The following ACTL8 variants were observed in gnomAD, a reference collection of about 807,000 sequenced individuals.
ACTL8 encodes actin like 8, also known as actin-like protein 8.
Under a neutral mutation model 9.3 loss-of-function variants are expected in ACTL8, and 3 were observed. The observed-to-expected ratio is 0.32, with a 90% CI of 0.15 to 0.83. The LOEUF (loss-of-function observed/expected upper bound fraction) is 0.83. ACTL8 is among the 40% of genes least tolerant of loss of function. ACTL8 has a pLI of 0.57. For missense variants in ACTL8, 381 were observed against 492.2 expected (o/e 0.77, Z 2.14); for synonymous variants, 224 against 205.9 (o/e 1.09, Z -0.75).
At chr1:17,781,009 A>G (rs1427827038) in intron 1 of ACTL8, among the ~76,000 whole-genome samples, 5 of 152,172 alleles carry the variant, frequency 3.3e-5, no homozygotes, top group Admixed American at 3.3e-4. Context: ...TCTGGAGGTC[A>G]GAAGTCTGAG....
chr1:17,810,292 G>A (rs1296462155), intron 1 of ACTL8, among the ~76,000 whole-genome samples: 1 of 152,068 alleles, frequency 6.6e-6, no homozygotes, highest in Non-Finnish European at 1.5e-5. Flanking sequence ...ACTATCTTTT[G>A]ACCCCATTTG....
At chr1:17,818,521 C>T (rs1011739905) in intron 1 of ACTL8, among the ~76,000 whole-genome samples, 1 of 152,262 alleles carries the variant, frequency 6.6e-6, no homozygotes. Flanking sequence ...CCTCCCTCCA[C>T]TCACCGTGTC....
At chr1:17,822,197 G>A (rs560007278) in intron 1 of ACTL8, among the ~76,000 whole-genome samples, 1 of 152,186 alleles carries the variant, frequency 6.6e-6, no homozygotes, top group Non-Finnish European at 1.5e-5. Context: ...GTCTGGGTTG[G>A]GTTTGACTCT....
intron 1 of ACTL8, among the ~76,000 whole-genome samples, chr1:17,761,814 G>A (rs746470077): frequency 2.6e-5 from 4 of 152,028 alleles, no homozygotes; most frequent in African/African-American, 9.7e-5. Context: ...CAGGTGGTCC[G>A]CCCTCCTCGG....
At chr1:17,807,133 G>A (rs768341697) in intron 1 of ACTL8, among the ~76,000 whole-genome samples, 1 of 152,214 alleles carries the variant, frequency 6.6e-6, no homozygotes, top group Non-Finnish European at 1.5e-5. Context: ...TGTGATTACT[G>A]TGGGCTCACA....
At chr1:17,758,780 G>A (rs1219301092) in intron 1 of ACTL8, among the ~76,000 whole-genome samples, 1 of 152,114 alleles carries the variant, frequency 6.6e-6, no homozygotes, top group Non-Finnish European at 1.5e-5. Context: ...GATTTGCTTG[G>A]TCCATGCCCA....
intron 1 of ACTL8, among the ~76,000 whole-genome samples, chr1:17,816,536 T>C (rs755526988): frequency 9.9e-5 from 15 of 152,208 alleles, no homozygotes; most frequent in Non-Finnish European, 1.9e-4. Flanking sequence ...GCTAAAAATA[T>C]TTGAGCATTA....
At chr1:17,786,734 C>G (rs1392334414) in intron 1 of ACTL8, among the ~76,000 whole-genome samples, 1 of 152,204 alleles carries the variant, frequency 6.6e-6, no homozygotes, top group East Asian at 1.9e-4. Flanking sequence ...CGGTCTCACT[C>G]TGTTGCCCAG....
At chr1:17,821,327 A>G (rs912700268) in intron 1 of ACTL8, among the ~76,000 whole-genome samples, 13 of 152,142 alleles carry the variant, frequency 8.5e-5, no homozygotes, top group African/African-American at 3.1e-4. Context: ...TCAGACTTCT[A>G]ATGTTCTAAG....
rs1401420831 is a variant in ACTL8, at chr1:17,758,676, T to C, written c.-25+3172T>C. 2.6e-5 allele frequency among the ~76,000 whole-genome samples: 4 copies of C among 152,162 alleles called. No individual in the cohort carries two copies. The East Asian group carries it at 5.8e-4, about 22-fold the overall frequency. ...GCACTAACTCTGAACTGATGCTGTTTCCTGGGGATCTAAAATGCCACTCTG... is the reference window on the plus strand; with the variant it reads ...GCACTAACTCTGAACTGATGCTGTTCCCTGGGGATCTAAAATGCCACTCTG... On this transcript the variant is annotated intron_variant, in intron 1 of 2. Transcript: ENST00000375406.
At chr1:17,817,442 A>G (rs2066433833) in intron 1 of ACTL8, among the ~76,000 whole-genome samples, 1 of 152,090 alleles carries the variant, frequency 6.6e-6, no homozygotes, top group African/African-American at 2.4e-5. Flanking sequence ...GCTAAATCCA[A>G]TGGATAGTCC....
intron 1 of ACTL8, among the ~76,000 whole-genome samples, chr1:17,770,726 G>A (rs980626490): frequency 5.3e-5 from 8 of 152,174 alleles, no homozygotes; most frequent in Non-Finnish European, 1.2e-4. Context: ...GGATCTAGAG[G>A]TCATAGTGGC....
chr1:17,756,989 G>C (rs2065972346), intron 1 of ACTL8, among the ~76,000 whole-genome samples: 1 of 152,164 alleles, frequency 6.6e-6, no homozygotes. Context: ...CCGGGCACAG[G>C]CATGGTGGCT....
chr1:17,777,547 G>C (rs2066126511), intron 1 of ACTL8, among the ~76,000 whole-genome samples: 1 of 152,180 alleles, frequency 6.6e-6, no homozygotes, highest in African/African-American at 2.4e-5. Flanking sequence ...AACTCTGATA[G>C]ATTGGCCGTT....
intron 1 of ACTL8, among the ~76,000 whole-genome samples, chr1:17,787,561 G>A (rs555185428): frequency 6.6e-6 from 1 of 152,160 alleles, no homozygotes; most frequent in African/African-American, 2.4e-5. Context: ...GAGCCACACC[G>A]CGCCAGGCCT....
At chr1:17,796,016 C>A (rs2066274317) in intron 1 of ACTL8, among the ~76,000 whole-genome samples, 1 of 152,152 alleles carries the variant, frequency 6.6e-6, no homozygotes, top group Non-Finnish European at 1.5e-5. Context: ...AAAAGCTGAG[C>A]TAGGGAGGGA....
chr1:17,759,977 G>A (rs2065990560), intron 1 of ACTL8, among the ~76,000 whole-genome samples: 3 of 152,156 alleles, frequency 2.0e-5, no homozygotes, highest in African/African-American at 4.8e-5. Flanking sequence ...TCAAATGACT[G>A]CGCAGCTTCC....
intron 1 of ACTL8, among the ~76,000 whole-genome samples, chr1:17,792,127 A>G (rs2066244350): frequency 6.6e-6 from 1 of 152,198 alleles, no homozygotes; most frequent in Non-Finnish European, 1.5e-5. Flanking sequence ...TGGCTCAGCC[A>G]GGTCAGGACA....
At chr1:17,810,969 G>A (rs2066390004) in intron 1 of ACTL8, among the ~76,000 whole-genome samples, 1 of 152,136 alleles carries the variant, frequency 6.6e-6, no homozygotes, top group Non-Finnish European at 1.5e-5. Context: ...GGGTTTTTGT[G>A]TGAACATAAG....
Sources: allele counts gnomAD v4.1 joint callset (sites outside exome capture counted in the v4.1 genomes callset), GRCh38; gene constraint gnomAD v4.1.1; transcripts MANE v1.5; gene names NCBI Gene and HGNC (gene_info 2026-07-23, HGNC 2026-07-21).